The following DCUN1D3 variants were observed in gnomAD, a reference collection of about 807,000 sequenced individuals.
DCUN1D3 encodes defective in cullin neddylation 1 domain containing 3, also known as DCN1-like protein 3.
DCUN1D3 carries 6 observed loss-of-function variants against 24.8 expected under a neutral mutation model. The observed-to-expected ratio is 0.24, with a 90% CI of 0.13 to 0.48. The LOEUF is 0.48. Ranked by LOEUF, DCUN1D3 falls within the 20% of genes least tolerant of loss-of-function variation. The pLI is 0.99. For missense variants in DCUN1D3, 258 were observed against 379.4 expected (o/e 0.68, Z 2.66); for synonymous variants, 120 against 144.9 (o/e 0.83, Z 1.24).
intron 1 of DCUN1D3, among the ~76,000 whole-genome samples, chr16:20,866,000 A>C (rs944095690): frequency 6.6e-6 from 1 of 152,224 alleles, no homozygotes; most frequent in Non-Finnish European, 1.5e-5. Context: ...AGGCTTCAAA[A>C]ATACACTGAA....
Position 20,871,187 on chromosome 16 carries a change from G to A in DCUN1D3, c.-105-8544C>T, listed in dbSNP as rs574700252. 5.4e-4 allele frequency among the ~76,000 whole-genome samples: 82 copies of A among 152,350 alleles called. 1 individual carries two copies. The highest frequency in any genetic ancestry group is 1.9e-3 in the African/African-American group (79 of 41,582). ...TACCCAGAGCTACTTGGGAGGGAAA[G>A]TTGATCCCTCTGCCAAAGCAAACGA... On this transcript the variant is annotated intron_variant, in intron 1 of 2. Transcript: ENST00000324344.
chr16:20,861,092 C>T (rs901583664), intron 2 of DCUN1D3, among the ~76,000 whole-genome samples: 18 of 152,154 alleles, frequency 1.2e-4, no homozygotes, highest in Non-Finnish European at 2.1e-4. Context: ...CAACCCCGTG[C>T]TCTACAAACC....
At chr16:20,862,786 T>G in intron 1 of DCUN1D3, 143 bp from the exon 2 acceptor site, 1 of 746,224 alleles carries the variant, frequency 1.3e-6, no homozygotes, top group African/African-American at 1.8e-5. Context: ...CATCATCCCC[T>G]TCACAGGCCA....
chr16:20,866,217 G>C (rs1010790990), intron 1 of DCUN1D3, among the ~76,000 whole-genome samples: 1 of 152,186 alleles, frequency 6.6e-6, no homozygotes, highest in Non-Finnish European at 1.5e-5. Context: ...GTACCATGTG[G>C]AGGGCCTGGT....
Position 20,857,573 on chromosome 16 carries a change from G to A in DCUN1D3, c.*2313C>T, listed in dbSNP as rs1489245290. On this transcript the variant is annotated 3_prime_UTR_variant, in exon 3 of 3. Coordinates refer to ENST00000324344, the MANE Select transcript of DCUN1D3 (RefSeq NM_173475.4). ...CAACCACTACCCAATCCAGAACCGG[G>A]GAAAATGAGTTGCAAACTGGCTTAA... 4 of 152,156 alleles carry A rather than the reference G, an allele frequency of 2.6e-5. No homozygotes were observed. The highest frequency in any genetic ancestry group is 5.9e-5 in the Non-Finnish European group (4 of 68,064). The allele number at this position is 152,156 out of a possible 1,614,324, so 9.4% of individuals were successfully genotyped here.
intron 1 of DCUN1D3, among the ~76,000 whole-genome samples, chr16:20,896,992 A>T (rs2081918899): frequency 6.6e-6 from 1 of 152,240 alleles, no homozygotes; most frequent in African/African-American, 2.4e-5. Context: ...ATCCTTCTAC[A>T]GGTGCCACGA....
In DCUN1D3 at chr16:20,891,900, C is replaced by T. The variant is rs911160785; in HGVS notation, c.-106+8304G>A. ...CCCTGGAGTTGGGCAATCTTGTGGG[C>T]CTGCTCCTTCCCTACCCTCTGTCCC... On this transcript the variant is annotated intron_variant, in intron 1 of 2. Transcript: ENST00000324344. 2.0e-5 allele frequency among the ~76,000 whole-genome samples: 3 copies of T among 152,230 alleles called. No homozygotes were observed. In the East Asian group the frequency reaches 5.8e-4, roughly 29 times the overall value.
At position 20,872,863 on chromosome 16, in the gene DCUN1D3, A is replaced by G. The variant is rs1395077016; in HGVS notation, c.-105-10220T>C. ...CTAGGCGCAGTGGCTCACGCCTGCA[A>G]TCCCAGCACTTTGGGAGGCCAAGGC... is the stretch of plus-strand genomic sequence containing the variant. On this transcript the variant is annotated intron_variant, in intron 1 of 2. Transcript: ENST00000324344. 2.0e-5 allele frequency among the ~76,000 whole-genome samples: 3 copies of G among 152,236 alleles called. No homozygotes were observed. The East Asian group carries it at 5.8e-4, about 29-fold the overall frequency.
At chr16:20,896,978 G>A (rs751906031) in intron 1 of DCUN1D3, among the ~76,000 whole-genome samples, 18 of 152,168 alleles carry the variant, frequency 1.2e-4, no homozygotes, top group Non-Finnish European at 2.4e-4. Flanking sequence ...TCAAGTTTTC[G>A]ATAATCCTTC....
chr16:20,861,779 A>G (rs1199885969), intron 2 of DCUN1D3, among the ~76,000 whole-genome samples: 3 of 152,126 alleles, frequency 2.0e-5, no homozygotes, highest in South Asian at 2.1e-4. Flanking sequence ...AAAAGAAAAA[A>G]AAAACCATAG....
At chr16:20,898,015 C>T (rs2081925446) in intron 1 of DCUN1D3, among the ~76,000 whole-genome samples, 1 of 152,204 alleles carries the variant, frequency 6.6e-6, no homozygotes, top group Non-Finnish European at 1.5e-5. Context: ...CTGACCTTAT[C>T]TCCAACTCTC....
At position 20,892,085 on chromosome 16, in the gene DCUN1D3, G is replaced by A. The variant is rs989535530; in HGVS notation, c.-106+8119C>T. Among the ~76,000 whole-genome samples, 9 of 152,228 alleles carry A rather than the reference G, an allele frequency of 5.9e-5. No homozygotes were observed. In the East Asian group the frequency reaches 1.5e-3, roughly 26 times the overall value. ...ACTGAACCTCCCATCTTAGTGCTCT[G>A]GGAGTCTTTAGGCTTTTCTCTTTCC... On this transcript the variant is annotated intron_variant, in intron 1 of 2. Coordinates refer to ENST00000324344, the MANE Select transcript of DCUN1D3 (RefSeq NM_173475.4).
In DCUN1D3 at chr16:20,859,916, A is replaced by C; in HGVS notation, c.885T>G (p.Pro295=). Residue 295 remains proline (P), a synonymous_variant, in exon 3 of 3, where the codon CCT becomes CCG. Coordinates refer to ENST00000324344, the MANE Select transcript of DCUN1D3 (RefSeq NM_173475.4). ...GEGRGALSSG[P]EGLCPEEQT Reference sequence around the variant, plus strand: ...TCTGCTCCTCGGGACACAAGCCCTCAGGCCCTGAGCTGAGTGCACCTCTCC... The same window carrying C: ...TCTGCTCCTCGGGACACAAGCCCTCCGGCCCTGAGCTGAGTGCACCTCTCC... 6.2e-7 allele frequency: 1 copy of C among 1,613,540 alleles called. No homozygotes were observed. Among genetic ancestry groups the C allele is most frequent in the African/African-American group, 1.3e-5 (1 of 75,042 alleles).
At chr16:20,872,726 G>A (rs2081795254) in intron 1 of DCUN1D3, among the ~76,000 whole-genome samples, 1 of 152,086 alleles carries the variant, frequency 6.6e-6, no homozygotes, top group Non-Finnish European at 1.5e-5. Flanking sequence ...AGTACAGAGA[G>A]GCATAAAGAA....
intron 1 of DCUN1D3, among the ~76,000 whole-genome samples, chr16:20,870,074 A>G (rs1392812875): frequency 6.6e-6 from 1 of 152,204 alleles, no homozygotes; most frequent in Non-Finnish European, 1.5e-5. Flanking sequence ...CTCCTGAGCA[A>G]TGTGCACTCT....
In DCUN1D3 at chr16:20,858,645, A is replaced by C. The variant is rs2081713935; in HGVS notation, c.*1241T>G. 6.6e-6 allele frequency: 1 copy of C among 151,230 alleles called. No homozygotes were observed. The highest frequency in any genetic ancestry group is 1.5e-5 in the Non-Finnish European group (1 of 67,810). The allele number at this position is 151,230 out of a possible 1,614,324, so 9.4% of individuals were successfully genotyped here. A position where few individuals can be genotyped will look rare whatever the true frequency, so the allele number is the denominator to read the frequency against. Reference sequence around the variant, plus strand: ...CCTAAACAGTCATCACATTACCCCAAATGAGCCTGACTTTAACAAAAAGAT... The same window carrying C: ...CCTAAACAGTCATCACATTACCCCACATGAGCCTGACTTTAACAAAAAGAT... On this transcript the variant is annotated 3_prime_UTR_variant, in exon 3 of 3. Transcript: ENST00000324344.
In DCUN1D3 at chr16:20,877,383, C is replaced by T. The variant is rs564320557; in HGVS notation, c.-105-14740G>A. Reference sequence around the variant, plus strand: ...GCCACTTCCCTCTAATTCAGCACAACGCTGTTTTACTTCTTCACGGCACTT... The same window carrying T: ...GCCACTTCCCTCTAATTCAGCACAATGCTGTTTTACTTCTTCACGGCACTT... On this transcript the variant is annotated intron_variant, in intron 1 of 2. Transcript: ENST00000324344. 8.5e-5 allele frequency among the ~76,000 whole-genome samples: 13 copies of T among 152,258 alleles called. No individual in the cohort carries two copies. The South Asian group carries it at 1.7e-3, about 19-fold the overall frequency.
intron 1 of DCUN1D3, chr16:20,868,819 A>C (rs2081774909): frequency 6.6e-6 from 1 of 150,398 alleles, no homozygotes; most frequent in Admixed American, 6.6e-5. Flanking sequence ...AGAAAGAAGG[A>C]AAAAAAAAAC....
At chr16:20,898,827 C>T (rs1015680560) in intron 1 of DCUN1D3, among the ~76,000 whole-genome samples, 3 of 152,196 alleles carry the variant, frequency 2.0e-5, no homozygotes, top group Non-Finnish European at 2.9e-5. Flanking sequence ...AATGTATCAA[C>T]ACCAAAAGGA....
Sources: gnomAD v4.1 joint callset for allele counts (sites outside exome capture counted in the v4.1 genomes callset) on GRCh38, gnomAD v4.1.1 for gene constraint, MANE v1.5 for transcripts, NCBI Gene and HGNC (gene_info 2026-07-23, HGNC 2026-07-21) for gene names.